ADGRL3: variants seen among roughly 807,000 people sequenced by gnomAD.
ADGRL3 encodes the protein calcium-independent alpha-latrotoxin receptor 3.
ADGRL3 carries 62 observed loss-of-function variants against 153.5 expected under a neutral mutation model. The ratio of observed to expected loss-of-function variants is 0.40; its 90% CI spans 0.33 to 0.50. The LOEUF (loss-of-function observed/expected upper bound fraction) is 0.50. Ranked by LOEUF, ADGRL3 falls within the 20% of genes least tolerant of loss-of-function variation. The probability of loss-of-function intolerance (pLI) is 0.47; values close to 1 mark genes in which losing one functional copy is unlikely to be tolerated. For synonymous variants in ADGRL3, 710 were observed against 672.5 expected (o/e 1.06, Z -0.86); for missense variants, 1,641 against 1,859.4 (o/e 0.88, Z 2.16).
intron 8 of ADGRL3, chr4:61,775,307 T>A: frequency 3.8e-6 from 1 of 263,420 alleles, no homozygotes; most frequent in Non-Finnish European, 7.4e-6. Context: ...TAGCTGATAA[T>A]GTTCTAGAGT....
intron 2 of ADGRL3, among the ~76,000 whole-genome samples, chr4:61,468,962 T>G (rs2097914880): frequency 6.6e-6 from 1 of 152,144 alleles, no homozygotes; most frequent in Non-Finnish European, 1.5e-5. Context: ...TCTTCTTATT[T>G]TGTGTGTGTA....
At chr4:61,868,062 C>T (rs1288726931) in intron 9 of ADGRL3, among the ~76,000 whole-genome samples, 1 of 152,032 alleles carries the variant, frequency 6.6e-6, no homozygotes, top group Non-Finnish European at 1.5e-5. Context: ...TAGTGGTTTA[C>T]ATATGCACAA....
In ADGRL3 at chr4:61,322,745, G is replaced by T. The variant is rs553777876; in HGVS notation, c.-239-60379G>T. ...CAGCTCCACCCCTGTGGCTTTTCAG[G>T]GTACAGCCTCCCTCCCAGCTGCCTT... is the stretch of plus-strand genomic sequence containing the variant. On this transcript the variant is annotated intron_variant, in intron 1 of 26. Coordinates refer to ENST00000683033, the MANE Select transcript of ADGRL3 (RefSeq NM_001387552.1). Among the ~76,000 whole-genome samples the T allele has an allele frequency of 1.1e-3, 170 of 152,284 alleles. 1 individual carries two copies. Among genetic ancestry groups the T allele is most frequent in the African/African-American group, 3.9e-3 (162 of 41,574 alleles).
At chr4:61,666,616 C>T (rs1207985171) in intron 5 of ADGRL3, among the ~76,000 whole-genome samples, 2 of 150,252 alleles carry the variant, frequency 1.3e-5, no homozygotes, top group Admixed American at 6.6e-5. Flanking sequence ...AATATCCTAA[C>T]TAACTCACAG....
intron 5 of ADGRL3, among the ~76,000 whole-genome samples, chr4:61,670,083 C>A (rs575515469): frequency 6.6e-6 from 1 of 152,114 alleles, no homozygotes; most frequent in Non-Finnish European, 1.5e-5. Flanking sequence ...ATCATGAGGT[C>A]AAGAGATCGA....
At chr4:61,972,590 G>A (rs569668760) in intron 17 of ADGRL3, among the ~76,000 whole-genome samples, 23 of 152,250 alleles carry the variant, frequency 1.5e-4, no homozygotes, top group Middle Eastern at 3.4e-3. Flanking sequence ...GTCAGGTAGC[G>A]TGATGCCTCC....
intron 21 of ADGRL3, among the ~76,000 whole-genome samples, chr4:62,006,350 T>C (rs1245895760): frequency 6.6e-6 from 1 of 151,942 alleles, no homozygotes; most frequent in Non-Finnish European, 1.5e-5. Flanking sequence ...TCTAAGAGAA[T>C]GGAGTGGAGT....
chr4:61,557,705 G>T (rs1357743556), intron 4 of ADGRL3, among the ~76,000 whole-genome samples: 1 of 151,918 alleles, frequency 6.6e-6, no homozygotes, highest in Non-Finnish European at 1.5e-5. Flanking sequence ...CTAACCTTAG[G>T]AATTCCTCAC....
At chr4:61,474,021 T>C (rs1373927749) in intron 2 of ADGRL3, among the ~76,000 whole-genome samples, 2 of 152,028 alleles carry the variant, frequency 1.3e-5, no homozygotes, top group African/African-American at 2.4e-5. Context: ...GGAAAATCTT[T>C]GCAGAGGAAA....
In ADGRL3 at chr4:61,517,327, G is replaced by A. The variant is rs958609798; in HGVS notation, c.68G>A (p.Ser23Asn). The change falls in exon 4 of 27, where the codon AGT becomes AAT. Residue 23 changes from serine to asparagine, a missense_variant. Transcript: ENST00000683033. ...LAPIIHGGKH[S>N]ERHPALAAPL... ...GCGGTCCCCGCAGGTGGCAAGCACA[G>A]TGAACGACATCCTGCCCTTGCTGCT... The A allele has an allele frequency of 2.4e-5, 17 of 703,108 alleles. No homozygotes were observed. The highest frequency in any genetic ancestry group is 3.4e-5 in the Non-Finnish European group (13 of 385,500). 43.6% of individuals were successfully genotyped at this position (703,108 alleles called of 1,614,324 possible). A position where few individuals can be genotyped will look rare whatever the true frequency, so the allele number is the denominator to read the frequency against.
At chr4:61,390,359 A>C (rs916364028) in intron 2 of ADGRL3, among the ~76,000 whole-genome samples, 2 of 152,170 alleles carry the variant, frequency 1.3e-5, no homozygotes, top group African/African-American at 4.8e-5. Flanking sequence ...CATTGAAAAA[A>C]TATTATGATG....
At chr4:61,362,006 AT>A (rs1044820922) in intron 1 of ADGRL3, among the ~76,000 whole-genome samples, 2 of 148,956 alleles carry the variant, frequency 1.3e-5, no homozygotes, top group South Asian at 4.2e-4. Flanking sequence ...AAATACATAT[AT>A]TTTTTAATAA....
intron 3 of ADGRL3, among the ~76,000 whole-genome samples, chr4:61,504,753 G>A (rs1219498202): frequency 1.3e-5 from 2 of 152,024 alleles, no homozygotes; most frequent in East Asian, 3.9e-4. Context: ...CTGATAACAT[G>A]CAATGTTTGT....
At chr4:61,459,929 A>G (rs1263573126) in intron 2 of ADGRL3, among the ~76,000 whole-genome samples, 1 of 151,808 alleles carries the variant, frequency 6.6e-6, no homozygotes, top group Non-Finnish European at 1.5e-5. Context: ...TTTTAAATGG[A>G]TTATTTGGGT....
chr4:61,569,227 A>G (rs908885835), intron 4 of ADGRL3, among the ~76,000 whole-genome samples: 2 of 152,142 alleles, frequency 1.3e-5, no homozygotes, highest in African/African-American at 4.8e-5. Context: ...ACATGTTATG[A>G]TAAAATTTAT....
chr4:61,359,718 A>G (rs1300168061), intron 1 of ADGRL3, among the ~76,000 whole-genome samples: 4 of 151,834 alleles, frequency 2.6e-5, no homozygotes, highest in African/African-American at 4.8e-5. Flanking sequence ...CTTGTATTTT[A>G]TTTGTTTGTC....
rs62313909 is a variant in ADGRL3 at position 61,200,526 on chromosome 4, T to C, written c.-1479T>C. ...GCGCCGCCGCCGCCGCCGCCGCCGC[T>C]GCTGCTGGTTTTTCTCGGACTGCTC... On this transcript the variant is annotated 5_prime_UTR_variant, in exon 1 of 27. Coordinates refer to ENST00000683033, the MANE Select transcript of ADGRL3 (RefSeq NM_001387552.1). Among the ~76,000 whole-genome samples, 4,128 of 135,810 alleles carry C rather than the reference T, an allele frequency of 0.03. 169 individuals carry two copies. The highest frequency in any genetic ancestry group is 0.11 in the African/African-American group (3,638 of 34,478). 89.1% of individuals were successfully genotyped at this position (135,810 alleles called of 152,430 possible). A position where few individuals can be genotyped will look rare whatever the true frequency, so the allele number is the denominator to read the frequency against.
intron 2 of ADGRL3, among the ~76,000 whole-genome samples, chr4:61,459,250 T>C (rs1425123725): frequency 6.6e-6 from 1 of 151,884 alleles, no homozygotes; most frequent in East Asian, 1.9e-4. Flanking sequence ...TTATAAATAT[T>C]AGTAAAAAAC....
intron 9 of ADGRL3, among the ~76,000 whole-genome samples, chr4:61,821,044 TTTG>T (rs1389118185): frequency 6.6e-6 from 1 of 152,126 alleles, no homozygotes; most frequent in East Asian, 1.9e-4. Flanking sequence ...CAGTTGAGAC[TTTG>T]TTGTTTTTAT....
Sources: allele counts gnomAD v4.1 joint callset (sites outside exome capture counted in the v4.1 genomes callset), GRCh38; gene constraint gnomAD v4.1.1; transcripts MANE v1.5; gene names NCBI Gene and HGNC (gene_info 2026-07-23, HGNC 2026-07-21).